Variants in TINAGL1 observed in about 807,000 individuals in gnomAD.
TINAGL1 encodes tubulointerstitial nephritis antigen-like.
TINAGL1 carries 34 observed loss-of-function variants against 62.0 expected under a neutral mutation model. The ratio of observed to expected loss-of-function variants is 0.55; its 90% confidence interval spans 0.42 to 0.73. The LOEUF (loss-of-function observed/expected upper bound fraction) is 0.73. TINAGL1 is among the 30% of genes least tolerant of loss of function. The pLI, the probability that TINAGL1 is intolerant of heterozygous loss-of-function variation, is 0.00. For missense variants in TINAGL1, 516 were observed against 653.2 expected (o/e 0.79, Z 2.29); for synonymous variants, 221 against 249.7 (o/e 0.88, Z 1.08).
In TINAGL1 at chr1:31,577,456, A is replaced by G. The variant is rs371457386; in HGVS notation, c.308A>G (p.Gln103Arg). Reference sequence around the variant, plus strand: ...GTGCCACCCCCTTTTCCCCCGATCCAAGGTGGGCACTAAGATGGCCAGGAG... The same window carrying G: ...GTGCCACCCCCTTTTCCCCCGATCCGAGGTGGGCACTAAGATGGCCAGGAG... The part of the protein sequence containing the change: ...LGVPPPFPPI[Q>R]GCMHGGRIYP... The change falls in exon 2 of 12, where the codon CAA becomes CGA. Residue 103 changes from glutamine to arginine, a missense_variant and splice_region_variant. Physicochemically the swap from Gln to Arg is conservative, Grantham distance 43 (BLOSUM62 1). Transcript: ENST00000271064. This position sits in a 1 kb window ranked among gnomAD's most constrained non-coding sequence, Gnocchi z 5.4. The G allele has an allele frequency of 6.2e-7, 1 of 1,606,742 alleles. No homozygotes were observed. The highest frequency in any genetic ancestry group is 2.2e-5 in the East Asian group (1 of 44,814).
chr1:31,580,506 A>T, intron 3 of TINAGL1: 4 of 1,289,192 alleles, frequency 3.1e-6, no homozygotes, highest in Non-Finnish European at 4.0e-6. Flanking sequence ...AGGTGTGCAG[A>T]GGGGGAACAG....
chr1:31,586,250 T>A, intron 10 of TINAGL1: 1 of 302,808 alleles, frequency 3.3e-6, no homozygotes, highest in South Asian at 4.9e-5. Context: ...GGAATATAGA[T>A]GTTAGGATCA....
rs1639332256 is a variant in TINAGL1, at chr1:31,584,482, A to G, written c.583-196A>G. 4 of 724,372 alleles carry G rather than the reference A, an allele frequency of 5.5e-6. No individual in the cohort carries two copies. The highest frequency in any genetic ancestry group is 9.0e-6 in the Non-Finnish European group (4 of 446,530). 44.9% of individuals were successfully genotyped at this position (724,372 alleles called of 1,614,324 possible). ...ACCCCGCCCCGCCCCACCACCTGAT[A>G]CCTGGGAGGCACTAAATGGTGCTTG... On this transcript the variant is annotated intron_variant, in intron 5 of 11. Coordinates refer to ENST00000271064, the MANE Select transcript of TINAGL1 (RefSeq NM_022164.3). The surrounding 1 kb of genome is among the most constrained non-coding windows in gnomAD (Gnocchi z 4.0).
chr1:31,587,126 T>A lies in TINAGL1; in HGVS notation c.*147T>A, dbSNP rs1330174287. On this transcript the variant is annotated 3_prime_UTR_variant, in exon 12 of 12. Transcript: ENST00000271064. ...GCGCTAATCCCGGCGCGGGTTCCGC[T>A]GACGCAGCGCCCCGCCTGGGAGCCG... 1 of 1,214,826 alleles carries A rather than the reference T, an allele frequency of 8.2e-7. No individual in the cohort carries two copies. Among genetic ancestry groups the A allele is most frequent in the East Asian group, 3.2e-5 (1 of 30,956 alleles). 75.3% of individuals were successfully genotyped at this position (1,214,826 alleles called of 1,614,324 possible). A position where few individuals can be genotyped will look rare whatever the true frequency, so the allele number is the denominator to read the frequency against.
At position 31,577,687 on chromosome 1, in the gene TINAGL1, A is replaced by C; in HGVS notation, c.310+229A>C. 4 of 552,944 alleles carry C rather than the reference A, an allele frequency of 7.2e-6. No homozygotes were observed. The highest frequency in any genetic ancestry group is 2.6e-5 in the South Asian group (1 of 38,628). 34.3% of individuals were successfully genotyped at this position (552,944 alleles called of 1,614,324 possible). On this transcript the variant is annotated intron_variant, in intron 2 of 11. Transcript: ENST00000271064. The surrounding 1 kb of genome is among the most constrained non-coding windows in gnomAD (Gnocchi z 5.4). Reference sequence around the variant, plus strand: ...GGGCAACCTCCCACATTTTCTCCCAATCCTGTCTCTTTTCCAGACACGGAA... The same window carrying C: ...GGGCAACCTCCCACATTTTCTCCCACTCCTGTCTCTTTTCCAGACACGGAA...
Position 31,584,389 on chromosome 1 carries a change from G to GGCCTGGCCACTTCTCTGT in TINAGL1, c.583-280_583-263dup, listed in dbSNP as rs1639329019. On this transcript the variant is annotated intron_variant, in intron 5 of 11. Coordinates refer to ENST00000271064, the MANE Select transcript of TINAGL1 (RefSeq NM_022164.3). The surrounding 1 kb of genome is among the most constrained non-coding windows in gnomAD (Gnocchi z 4.0). The stretch of plus-strand genomic sequence containing the variant: ...TTGAGAATGGAAAGCTGAGGGACCT[G>GGCCTGGCCACTTCTCTGT]GCCTGGCCACTTCTCTGTGCCTGGC... The GGCCTGGCCACTTCTCTGT allele has an allele frequency of 2.3e-6, 1 of 438,856 alleles. No homozygotes were observed. Among genetic ancestry groups the GGCCTGGCCACTTCTCTGT allele is most frequent in the African/African-American group, 2.0e-5 (1 of 50,354 alleles). The allele number at this position is 438,856 out of a possible 1,614,324, so 27.2% of individuals were successfully genotyped here. A position where few individuals can be genotyped will look rare whatever the true frequency, so the allele number is the denominator to read the frequency against.
chr1:31,580,020 C>T (rs1639173141), intron 3 of TINAGL1, among the ~76,000 whole-genome samples: 1 of 151,928 alleles, frequency 6.6e-6, no homozygotes, highest in Non-Finnish European at 1.5e-5. Flanking sequence ...AGGGAGGGAA[C>T]GTTTCAGCAT....
chr1:31,580,431 G>A, intron 3 of TINAGL1: 2 of 1,289,346 alleles, frequency 1.6e-6, no homozygotes, highest in African/African-American at 1.5e-5. Context: ...GCGAGGGTGG[G>A]GGAGTGTCCA....
Position 31,585,806 on chromosome 1 carries a change from C to G in TINAGL1, c.1147C>G (p.His383Asp), listed in dbSNP as rs1639375299. Reference protein sequence around the residue: ...FFLYKGGIYSHTPVSLGRPER... With the variant: ...FFLYKGGIYSDTPVSLGRPER... ...CCTATACAAGGGAGGCATCTACAGC[C>G]ACACGCCAGTGAGCCTTGGGAGGCC... Residue 383 changes from histidine to aspartate, a missense_variant, in exon 10 of 12, where the codon CAC becomes GAC. Transcript: ENST00000271064. The surrounding 1 kb of genome is among the most constrained non-coding windows in gnomAD (Gnocchi z 4.3). 6.2e-7 allele frequency: 1 copy of G among 1,613,202 alleles called. No individual in the cohort carries two copies. Among genetic ancestry groups the G allele is most frequent in the Non-Finnish European group, 8.5e-7 (1 of 1,179,642 alleles).
chr1:31,577,281 G>A lies in TINAGL1; in HGVS notation c.133G>A (p.Gly45Ser), dbSNP rs769707062. 5.0e-5 allele frequency: 80 copies of A among 1,612,544 alleles called. No individual in the cohort carries two copies. The highest frequency in any genetic ancestry group is 6.0e-5 in the Non-Finnish European group (71 of 1,179,668). ...CCTGCGGGGCATCCGGGACGCGGGAGGCCGGTACTGCCAGGAGCAGGACCT... is the reference window on the plus strand; with the variant it reads ...CCTGCGGGGCATCCGGGACGCGGGAAGCCGGTACTGCCAGGAGCAGGACCT... The part of the protein sequence containing the change: ...LHLRGIRDAG[G>S]RYCQEQDLCC... The change falls in exon 2 of 12, where the codon GGC becomes AGC. Residue 45 changes from glycine to serine, a missense_variant. Transcript: ENST00000271064. The surrounding 1 kb of genome is among the most constrained non-coding windows in gnomAD (Gnocchi z 5.4).
rs1309028303 is a variant in TINAGL1 at position 31,584,767 on chromosome 1, C to A, written c.672C>A (p.Gly224=). 1.9e-5 allele frequency: 31 copies of A among 1,614,122 alleles called. No individual in the cohort carries two copies. In the Admixed American group the frequency reaches 5.0e-4, roughly 26 times the overall value. Residue 224 remains glycine, a synonymous_variant, in exon 6 of 12, where the codon GGC becomes GGA. Coordinates refer to ENST00000271064, the MANE Select transcript of TINAGL1 (RefSeq NM_022164.3). This position sits in a 1 kb window ranked among gnomAD's most constrained non-coding sequence, Gnocchi z 4.0. Reference sequence around the variant, plus strand: ...TGATTCATGAGCCTCTTGACCAAGGCAACTGTGCAGGCTCCTGGGCCTTCT... The same window carrying A: ...TGATTCATGAGCCTCTTGACCAAGGAAACTGTGCAGGCTCCTGGGCCTTCT... ...PNLIHEPLDQ[G]NCAGSWAFST...
intron 3 of TINAGL1, among the ~76,000 whole-genome samples, chr1:31,581,005 T>C (rs1311367804): frequency 1.3e-5 from 2 of 152,134 alleles, no homozygotes; most frequent in African/African-American, 4.8e-5. Flanking sequence ...GGAAAGCTAC[T>C]CTGAGGAAGG....
Position 31,583,488 on chromosome 1 carries a change from C to T in TINAGL1, c.495C>T (p.Phe165=). The part of the protein sequence containing the change: ...YGWQAGNHSA[F]WGMTLDEGIR... Reference sequence around the variant, plus strand: ...GGCAGGCTGGGAACCACAGCGCCTTCTGGGGCATGACCCTGGATGAGGGCA... The same window carrying T: ...GGCAGGCTGGGAACCACAGCGCCTTTTGGGGCATGACCCTGGATGAGGGCA... The change falls in exon 5 of 12, where the codon TTC becomes TTT. Residue 165 remains phenylalanine, a synonymous_variant. Coordinates refer to ENST00000271064, the MANE Select transcript of TINAGL1 (RefSeq NM_022164.3). This position sits in a 1 kb window ranked among gnomAD's most constrained non-coding sequence, Gnocchi z 4.4. 1 of 1,614,014 alleles carries T rather than the reference C, an allele frequency of 6.2e-7. No homozygotes were observed. The highest frequency in any genetic ancestry group is 8.5e-7 in the Non-Finnish European group (1 of 1,179,980).
Position 31,585,593 on chromosome 1 carries a change from C to A in TINAGL1, c.1093+108C>A. 3.2e-6 allele frequency: 5 copies of A among 1,549,268 alleles called. No individual in the cohort carries two copies. Among genetic ancestry groups the A allele is most frequent in the Non-Finnish European group, 4.4e-6 (5 of 1,141,596 alleles). ...GCATTCAGCAGCATGTCCAGTAGGG[C>A]CAGGAGTAGGGGTCCCCCCCTCCCA... On this transcript the variant is annotated intron_variant, in intron 9 of 11. Coordinates refer to ENST00000271064, the MANE Select transcript of TINAGL1 (RefSeq NM_022164.3). The surrounding 1 kb of genome is among the most constrained non-coding windows in gnomAD (Gnocchi z 4.3).
chr1:31,585,943 C>T lies in TINAGL1; in HGVS notation c.1217+67C>T. The T allele has an allele frequency of 2.0e-6, 3 of 1,485,110 alleles. No individual in the cohort carries two copies. The South Asian group carries it at 4.1e-5, about 20-fold the overall frequency. 92.0% of individuals were successfully genotyped at this position (1,485,110 alleles called of 1,614,324 possible). On this transcript the variant is annotated intron_variant, in intron 10 of 11. Coordinates refer to ENST00000271064, the MANE Select transcript of TINAGL1 (RefSeq NM_022164.3). This position sits in a 1 kb window ranked among gnomAD's most constrained non-coding sequence, Gnocchi z 4.3. ...TTGTGCTAGGGGCTCTGGAGCCTGCCTTGGGTTCTTACAACCTCTCTAAAA... is the reference window on the plus strand; with the variant it reads ...TTGTGCTAGGGGCTCTGGAGCCTGCTTTGGGTTCTTACAACCTCTCTAAAA...
chr1:31,585,015 G>A lies in TINAGL1; in HGVS notation c.836G>A (p.Trp279Ter). 1 of 1,606,206 alleles carries A rather than the reference G, an allele frequency of 6.2e-7. No homozygotes were observed. Among genetic ancestry groups the A allele is most frequent in the Non-Finnish European group, 8.5e-7 (1 of 1,175,084 alleles). The change falls in exon 7 of 12, where the codon TGG becomes TAG. Residue 279 changes from tryptophan (W) to a stop codon, truncating the protein, a stop_gained. Coordinates refer to ENST00000271064, the MANE Select transcript of TINAGL1 (RefSeq NM_022164.3). LOFTEE classifies it high-confidence loss of function. The surrounding 1 kb of genome is among the most constrained non-coding windows in gnomAD (Gnocchi z 4.3). ...CGCGGTGGGCGTCTCGATGGTGCCT[G>A]GTGGTTCCTGCGTCGCCGAGGGTAT... is the stretch of plus-strand genomic sequence containing the variant. Reference protein sequence around the residue: ...GCRGGRLDGAWWFLRRRGVVS... With the variant: ...GCRGGRLDGA
rs1177262872 is a variant in TINAGL1 at position 31,577,095 on chromosome 1, T to G, written c.-15-39T>G. ...AAACTGGGAGACTCATCCCTGGTGTTCCAGGGAGTCTCTGCTGCCCACCAT... is the reference window on the plus strand; with the variant it reads ...AAACTGGGAGACTCATCCCTGGTGTGCCAGGGAGTCTCTGCTGCCCACCAT... On this transcript the variant is annotated intron_variant, in intron 1 of 11. Transcript: ENST00000271064. The surrounding 1 kb of genome is among the most constrained non-coding windows in gnomAD (Gnocchi z 5.4). 1 of 1,407,890 alleles carries G rather than the reference T, an allele frequency of 7.1e-7. No homozygotes were observed. Among genetic ancestry groups the G allele is most frequent in the East Asian group, 2.5e-5 (1 of 40,084 alleles). The allele number at this position is 1,407,890 out of a possible 1,614,324, so 87.2% of individuals were successfully genotyped here.
chr1:31,584,359 A>C lies in TINAGL1; in HGVS notation c.583-319A>C. ...ATCAGAAGGTGCAGAGGAAAGAGGC[A>C]GGGGTTGAGAATGGAAAGCTGAGGG... On this transcript the variant is annotated intron_variant, in intron 5 of 11. Coordinates refer to ENST00000271064, the MANE Select transcript of TINAGL1 (RefSeq NM_022164.3). This position sits in a 1 kb window ranked among gnomAD's most constrained non-coding sequence, Gnocchi z 4.0. The C allele has an allele frequency of 2.9e-6, 1 of 350,520 alleles. No individual in the cohort carries two copies. The highest frequency in any genetic ancestry group is 5.5e-6 in the Non-Finnish European group (1 of 183,434). The allele number at this position is 350,520 out of a possible 1,614,324, so 21.7% of individuals were successfully genotyped here. A position where few individuals can be genotyped will look rare whatever the true frequency, so the allele number is the denominator to read the frequency against.
chr1:31,581,493 C>CA (rs1478490791), intron 3 of TINAGL1, among the ~76,000 whole-genome samples: 1 of 152,122 alleles, frequency 6.6e-6, no homozygotes, highest in African/African-American at 2.4e-5. Context: ...CTGATGTGAA[C>CA]AACTGGGTGC....
Sources: gnomAD v4.1 joint callset for allele counts (sites outside exome capture counted in the v4.1 genomes callset) on GRCh38, gnomAD v4.1.1 for gene constraint, Gnocchi (gnomAD v3.1) non-coding constraint, MANE v1.5 for transcripts, NCBI Gene and HGNC (gene_info 2026-07-23, HGNC 2026-07-21) for gene names.